PAIP1: variants seen among roughly 807,000 people sequenced by gnomAD.
The protein encoded by PAIP1 is poly(A) binding protein interacting protein 1, also known as polyadenylate-binding protein-interacting protein 1.
A neutral mutation model predicts 61.3 loss-of-function variants in PAIP1; 16 were observed. The observed-to-expected ratio is 0.26, with a 90% CI of 0.18 to 0.40. The LOEUF is 0.40. PAIP1 is among the 10% of genes least tolerant of loss of function. The pLI is 1.00. For missense variants in PAIP1, 416 were observed against 600.9 expected (o/e 0.69, Z 3.22); for synonymous variants, 187 against 226.2 (o/e 0.83, Z 1.56).
chr5:43,538,953 A>G lies in PAIP1; in HGVS notation c.817T>C (p.Phe273Leu). 1.9e-6 allele frequency: 3 copies of G among 1,609,262 alleles called. No individual in the cohort carries two copies. Among genetic ancestry groups the G allele is most frequent in the Non-Finnish European group, 1.7e-6 (2 of 1,177,058 alleles). ...AGGTTAAGATAAAGTTCTCCCAGAA[A>G]GAGTACAAATGCATGAAATCGTTTT... Reference protein sequence around the residue: ...TRKRFHAFVLFLGELYLNLEI... With the variant: ...TRKRFHAFVLLLGELYLNLEI... Residue 273 changes from phenylalanine (F) to leucine (L), a missense_variant, in exon 5 of 11, where the codon TTT (phenylalanine) becomes CTT (leucine). By Grantham distance (22) the Phe-to-Leu change is conservative. This residue lies in a region of PAIP1 where 135 missense variants were observed against 283.9 expected (regional missense o/e 0.48). Transcript: ENST00000306846.
chr5:43,550,892 T>C (rs1272681274), intron 2 of PAIP1, among the ~76,000 whole-genome samples: 1 of 90,694 alleles, frequency 1.1e-5, no homozygotes, highest in East Asian at 2.8e-4. Flanking sequence ...TTAGAGTTAA[T>C]ATATAAACTA....
intron 3 of PAIP1, among the ~76,000 whole-genome samples, chr5:43,544,453 C>T (rs1026823017): frequency 5.3e-5 from 8 of 152,062 alleles, no homozygotes; most frequent in African/African-American, 1.9e-4. Flanking sequence ...TGTTATAACA[C>T]GATTTAAAGA....
At chr5:43,550,193 G>A (rs181099603) in intron 2 of PAIP1, among the ~76,000 whole-genome samples, 191 of 152,138 alleles carry the variant, frequency 1.3e-3, no homozygotes, top group African/African-American at 4.4e-3. Context: ...TTTTTGTCAC[G>A]CATTTGAATT....
chr5:43,543,148 T>C (rs1253842117), intron 3 of PAIP1, 32 bp from the exon 4 acceptor site: 2 of 1,079,830 alleles, frequency 1.9e-6, no homozygotes, highest in Non-Finnish European at 2.8e-6. Flanking sequence ...TTATATGACA[T>C]AGGTACATCA....
intron 2 of PAIP1, among the ~76,000 whole-genome samples, chr5:43,551,159 A>C (rs1747853601): frequency 6.6e-6 from 1 of 152,108 alleles, no homozygotes; most frequent in Non-Finnish European, 1.5e-5. Context: ...AGAGGGTTTG[A>C]ACAAGGAAGG....
intron 3 of PAIP1, among the ~76,000 whole-genome samples, chr5:43,546,957 C>T (rs545592393): frequency 1.6e-3 from 220 of 138,570 alleles, no homozygotes; most frequent in African/African-American, 5.6e-3. Context: ...GCAGGAGAAT[C>T]GCTTGAACCC....
chr5:43,547,395 G>C (rs991017550), intron 3 of PAIP1, among the ~76,000 whole-genome samples: 10 of 152,138 alleles, frequency 6.6e-5, no homozygotes, highest in African/African-American at 2.4e-4. Context: ...CAAGGGGCAG[G>C]GTTTTGGTGG....
intron 10 of PAIP1, among the ~76,000 whole-genome samples, chr5:43,527,833 A>G (rs1451504041): frequency 1.3e-5 from 2 of 152,226 alleles, no homozygotes; most frequent in Non-Finnish European, 2.9e-5. Flanking sequence ...AACTATTAAT[A>G]GAACATAATT....
At chr5:43,532,770 G>T (rs993761276) in intron 9 of PAIP1, among the ~76,000 whole-genome samples, 4 of 152,148 alleles carry the variant, frequency 2.6e-5, no homozygotes, top group Admixed American at 2.6e-4. Context: ...CAGTAAGACA[G>T]ACAAATGATC....
In PAIP1 at chr5:43,547,603, G is replaced by A. The variant is rs564608080; in HGVS notation, c.621+125C>T. On this transcript the variant is annotated intron_variant, in intron 3 of 10. Coordinates refer to ENST00000306846, the MANE Select transcript of PAIP1 (RefSeq NM_006451.5). ...TATACAAGACAGACTTAGAACTCCC[G>A]GAAACTATAAAGAGTAAGTGTGGAG... 300 of 637,158 alleles carry A rather than the reference G, an allele frequency of 4.7e-4. No individual in the cohort carries two copies. In the African/African-American group the frequency reaches 4.8e-3, roughly 10 times the overall value. The allele number at this position is 637,158 out of a possible 1,614,324, so 39.5% of individuals were successfully genotyped here. A position where few individuals can be genotyped will look rare whatever the true frequency, so the allele number is the denominator to read the frequency against.
At chr5:43,533,706 T>C (rs1299299966) in intron 9 of PAIP1, 32 bp downstream of exon 9, 1 of 1,394,964 alleles carries the variant, frequency 7.2e-7, no homozygotes. Context: ...ACCAAACAAC[T>C]GGGAGGAGGG....
intron 10 of PAIP1, among the ~76,000 whole-genome samples, chr5:43,528,686 T>C (rs1270175665): frequency 6.6e-6 from 1 of 152,030 alleles, no homozygotes; most frequent in Non-Finnish European, 1.5e-5. Flanking sequence ...AATTAAAATA[T>C]CACTAGAATA....
At chr5:43,549,740 GA>G (rs1370727751) in intron 2 of PAIP1, among the ~76,000 whole-genome samples, 1 of 150,212 alleles carries the variant, frequency 6.7e-6, no homozygotes, top group African/African-American at 2.5e-5. Flanking sequence ...TTATTTTTGA[GA>G]TGGAGTCTCG....
At chr5:43,543,283 A>G (rs907126365) in intron 3 of PAIP1, among the ~76,000 whole-genome samples, 167 bp from the exon 4 acceptor site, 3 of 142,244 alleles carry the variant, frequency 2.1e-5, no homozygotes, top group African/African-American at 7.6e-5. Context: ...TTCCCTCCCA[A>G]CCTTACAGCA....
rs143236960 is a variant in PAIP1, at chr5:43,534,393, T to G, written c.1197+460A>C. Among the ~76,000 whole-genome samples, 923 of 152,338 alleles carry G rather than the reference T, an allele frequency of 6.1e-3. 10 individuals carry two copies. Among genetic ancestry groups the G allele is most frequent in the Non-Finnish European group, 9.1e-3 (617 of 68,028 alleles). On this transcript the variant is annotated intron_variant, in intron 8 of 10. Transcript: ENST00000306846. ...TTTGTAGTTTTAGTAGAGACGGGGTTTCTCCACGTTGGTCAGGCTGGTCTT... is the reference window on the plus strand; with the variant it reads ...TTTGTAGTTTTAGTAGAGACGGGGTGTCTCCACGTTGGTCAGGCTGGTCTT...
Position 43,534,990 on chromosome 5 carries a change from T to C in PAIP1, c.1080-20A>G. 1.5e-6 allele frequency: 2 copies of C among 1,309,108 alleles called. No individual in the cohort carries two copies. The highest frequency in any genetic ancestry group is 1.1e-6 in the Non-Finnish European group (1 of 902,208). The allele number at this position is 1,309,108 out of a possible 1,614,324, so 81.1% of individuals were successfully genotyped here. On this transcript the variant is annotated intron_variant, in intron 7 of 10. Coordinates refer to ENST00000306846, the MANE Select transcript of PAIP1 (RefSeq NM_006451.5). ...ACATCTCTGTAGACAAAGTTGAAAA[T>C]GAGTTAGTGTATCCACCATAAGGGC...
intron 2 of PAIP1, among the ~76,000 whole-genome samples, chr5:43,554,796 C>T (rs1167444393): frequency 6.6e-6 from 1 of 152,118 alleles, no homozygotes; most frequent in Non-Finnish European, 1.5e-5. Context: ...AAGCTGGCTA[C>T]CCTAAGTCCC....
In PAIP1 at chr5:43,540,470, C is replaced by A. The variant is rs571111370; in HGVS notation, c.735-1435G>T. ...TGCAAACAAATACCTACATAATTGA[C>A]TAGGTGAAAAGTCAAATTTTTAAGC... On this transcript the variant is annotated intron_variant, in intron 4 of 10. Coordinates refer to ENST00000306846, the MANE Select transcript of PAIP1 (RefSeq NM_006451.5). Among the ~76,000 whole-genome samples the A allele has an allele frequency of 2.6e-5, 4 of 152,018 alleles. No individual in the cohort carries two copies. In the South Asian group the frequency reaches 6.2e-4, roughly 24 times the overall value.
At chr5:43,556,533 G>A in intron 1 of PAIP1, 49 bp downstream of exon 1, 1 of 1,238,704 alleles carries the variant, frequency 8.1e-7, no homozygotes, top group South Asian at 4.1e-5. Context: ...GGAGGGCCGT[G>A]GGGAAGCGTT....
Sources: allele counts gnomAD v4.1 joint callset (sites outside exome capture counted in the v4.1 genomes callset), GRCh38; gene constraint gnomAD v4.1.1; regional missense constraint gnomAD v4.1.1; transcripts MANE v1.5; gene names NCBI Gene and HGNC (gene_info 2026-07-23, HGNC 2026-07-21).